ATP11B: variants seen among roughly 807,000 people sequenced by gnomAD.
The protein encoded by ATP11B is phospholipid-transporting ATPase IF.
A neutral mutation model predicts 157.8 loss-of-function variants in ATP11B; 81 were observed. The ratio of observed to expected loss-of-function variants is 0.51; its 90% confidence interval spans 0.43 to 0.62. The LOEUF (loss-of-function observed/expected upper bound fraction) is 0.62, where lower values mean the gene tolerates loss of function less well. ATP11B is among the 20% of genes least tolerant of loss of function. The pLI, the probability that ATP11B is intolerant of heterozygous loss-of-function variation, is 0.00. For missense variants in ATP11B, 1,165 were observed against 1,402.2 expected (o/e 0.83, Z 2.70); for synonymous variants, 451 against 469.4 (o/e 0.96, Z 0.51).
chr3:182,800,201 A>G (rs765248685), intron 1 of ATP11B, among the ~76,000 whole-genome samples: 6 of 152,096 alleles, frequency 3.9e-5, no homozygotes, highest in Non-Finnish European at 8.8e-5. Flanking sequence ...TTTTAAGCCA[A>G]TACTTCAAGT....
At chr3:182,843,630 A>G (rs1719229009) in intron 8 of ATP11B, 1 of 152,200 alleles carries the variant, frequency 6.6e-6, no homozygotes, top group Admixed American at 6.5e-5. Context: ...GCTTTGTGTC[A>G]GTTCAAAGAC....
Position 182,920,813 on chromosome 3 carries a change from AG to A in ATP11B, c.*2713del. ...GAAGACCTGCTGTCGAGTTGAGAAA[AG>A]GGGAGAATTTATGGTCTGAATTTTC... On this transcript the variant is annotated 3_prime_UTR_variant, in exon 30 of 30. Transcript: ENST00000323116. 6.6e-6 allele frequency: 1 copy of A among 152,400 alleles called. No individual in the cohort carries two copies. The highest frequency in any genetic ancestry group is 1.9e-4 in the East Asian group (1 of 5,190). The allele number at this position is 152,400 out of a possible 1,614,324, so 9.4% of individuals were successfully genotyped here.
chr3:182,918,430 AAAAAG>A lies in ATP11B; in HGVS notation c.*328_*332del. 2.5e-6 allele frequency: 1 copy of A among 398,992 alleles called. No individual in the cohort carries two copies. 24.7% of individuals were successfully genotyped at this position (398,992 alleles called of 1,614,324 possible). A position where few individuals can be genotyped will look rare whatever the true frequency, so the allele number is the denominator to read the frequency against. On this transcript the variant is annotated 3_prime_UTR_variant, in exon 30 of 30. Coordinates refer to ENST00000323116, the MANE Select transcript of ATP11B (RefSeq NM_014616.3). ...CATTATATTTTAATATAAATGTAGA[AAAAAG>A]AGAGAAATCTTAGTAAAGAGTATTT...
At chr3:182,822,474 T>TCTA (rs1213848839) in intron 2 of ATP11B, among the ~76,000 whole-genome samples, 2 of 152,240 alleles carry the variant, frequency 1.3e-5, no homozygotes, top group Non-Finnish European at 2.9e-5. Context: ...TGCATAGTAT[T>TCTA]CCATGGTGTA....
Position 182,872,371 on chromosome 3 carries a change from C to T in ATP11B, c.1882C>T (p.Leu628=). The T allele has an allele frequency of 6.3e-7, 1 of 1,585,026 alleles. No individual in the cohort carries two copies. Among genetic ancestry groups the T allele is most frequent in the Non-Finnish European group, 8.6e-7 (1 of 1,165,936 alleles). ...DEFALKGLRT[L]CIAYRKFTSK... is the part of the protein sequence containing the mutation. Reference sequence around the variant, plus strand: ...TTTGTTTTAGAAAGGGCTAAGAACTCTGTGTATAGCATATAGAAAATTTAC... The same window carrying T: ...TTTGTTTTAGAAAGGGCTAAGAACTTTGTGTATAGCATATAGAAAATTTAC... The change falls in exon 18 of 30, where the codon CTG becomes TTG. Residue 628 remains leucine (L), a synonymous_variant. Coordinates refer to ENST00000323116, the MANE Select transcript of ATP11B (RefSeq NM_014616.3).
intron 8 of ATP11B, among the ~76,000 whole-genome samples, chr3:182,844,867 T>C (rs966876300): frequency 2.0e-5 from 3 of 152,172 alleles, no homozygotes; most frequent in African/African-American, 7.2e-5. Context: ...GTTTAAAATT[T>C]TGAAACTAGT....
chr3:182,824,799 A>C (rs1717606797), intron 2 of ATP11B, among the ~76,000 whole-genome samples: 1 of 152,252 alleles, frequency 6.6e-6, no homozygotes, highest in South Asian at 2.1e-4. Context: ...CTTCCAAAAC[A>C]GATTACCTGT....
At chr3:182,888,258 C>T (rs1256612109) in intron 24 of ATP11B, among the ~76,000 whole-genome samples, 3 of 152,128 alleles carry the variant, frequency 2.0e-5, no homozygotes, top group Non-Finnish European at 4.4e-5. Flanking sequence ...CTTATAGAGT[C>T]ATCTCATTAT....
intron 1 of ATP11B, among the ~76,000 whole-genome samples, chr3:182,805,831 T>G (rs1433637421): frequency 5.9e-5 from 9 of 152,146 alleles, no homozygotes. Flanking sequence ...CTTTATATAT[T>G]CTAGATATAA....
intron 17 of ATP11B, among the ~76,000 whole-genome samples, chr3:182,869,925 A>T (rs1039464654): frequency 6.6e-6 from 1 of 152,252 alleles, no homozygotes; most frequent in Non-Finnish European, 1.5e-5. Context: ...GTCAGCTGTT[A>T]AGAGGAATGA....
In ATP11B at chr3:182,889,441, A is replaced by C; in HGVS notation, c.2875A>C (p.Lys959Gln). The C allele has an allele frequency of 6.3e-7, 1 of 1,577,266 alleles. No individual in the cohort carries two copies. The highest frequency in any genetic ancestry group is 8.6e-7 in the Non-Finnish European group (1 of 1,166,702). Residue 959 changes from lysine to glutamine, a missense_variant, in exon 25 of 30, where the codon AAA (lysine) becomes CAA (glutamine). Physicochemically the swap from Lys to Gln is moderately conservative, Grantham distance 53. This residue lies in a region of ATP11B where 303 missense variants were observed against 296.3 expected (regional missense o/e 1.02). Coordinates refer to ENST00000323116, the MANE Select transcript of ATP11B (RefSeq NM_014616.3). The stretch of plus-strand genomic sequence containing the variant: ...TAGTAAAAACCGCCTCTTAAGTATT[A>C]AAACATTTCTTTATTGGACCATCCT... ...DISKNRLLSI[K>Q]TFLYWTILGF...
rs868358182 is a variant in ATP11B at position 182,807,043 on chromosome 3, A to T, written c.28-13217A>T. Among the ~76,000 whole-genome samples the T allele has an allele frequency of 1.2e-3, 16 of 13,840 alleles. No individual in the cohort carries two copies. In the South Asian group the frequency reaches 0.014, roughly 12 times the overall value. The allele number at this position is 13,840 out of a possible 152,430, so 9.1% of individuals were successfully genotyped here. A position where few individuals can be genotyped will look rare whatever the true frequency, so the allele number is the denominator to read the frequency against. The stretch of plus-strand genomic sequence containing the variant: ...TTAAGCTTGGCTAAGTATTAATTTA[A>T]AAAAAAAAAAGACTATCTGTCTTTG... On this transcript the variant is annotated intron_variant, in intron 1 of 29. Coordinates refer to ENST00000323116, the MANE Select transcript of ATP11B (RefSeq NM_014616.3).
In ATP11B at chr3:182,889,561, GT is replaced by G; in HGVS notation, c.2982+20del. The G allele has an allele frequency of 2.6e-6, 4 of 1,522,586 alleles. No individual in the cohort carries two copies. Among genetic ancestry groups the G allele is most frequent in the Non-Finnish European group, 1.7e-6 (2 of 1,144,942 alleles). The allele number at this position is 1,522,586 out of a possible 1,614,324, so 94.3% of individuals were successfully genotyped here. A position where few individuals can be genotyped will look rare whatever the true frequency, so the allele number is the denominator to read the frequency against. On this transcript the variant is annotated intron_variant, in intron 25 of 29. Transcript: ENST00000323116. ...TGGAAATGGCCAGGTAAAGTATATAGTTTTTTTAAAGAATGCTTGTTAATAT... is the reference window on the plus strand; with the variant it reads ...TGGAAATGGCCAGGTAAAGTATATAGTTTTTTAAAGAATGCTTGTTAATAT...
chr3:182,915,644 A>G (rs1725086652), intron 29 of ATP11B: 1 of 965,440 alleles, frequency 1.0e-6, no homozygotes, highest in Non-Finnish European at 1.2e-6. Context: ...TTAATTTTAA[A>G]TGAGCCCCAG....
In ATP11B at chr3:182,889,453, T is replaced by C; in HGVS notation, c.2887T>C (p.Tyr963His). ...CCTCTTAAGTATTAAAACATTTCTT[T>C]ATTGGACCATCCTGGGCTTCAGTCA... ...NRLLSIKTFL[Y>H]WTILGFSHAF... Residue 963 changes from tyrosine to histidine, a missense_variant, in exon 25 of 30, where the codon TAT becomes CAT. Tyr to His is a moderately conservative substitution (Grantham distance 83). Around this residue, in one of 4 missense-constraint regions of ATP11B, gnomAD observed 303 missense variants for 296.3 expected, o/e 1.02. Coordinates refer to ENST00000323116, the MANE Select transcript of ATP11B (RefSeq NM_014616.3). 2 of 1,579,370 alleles carry C rather than the reference T, an allele frequency of 1.3e-6. No homozygotes were observed. Among genetic ancestry groups the C allele is most frequent in the South Asian group, 2.4e-5 (2 of 84,330 alleles).
Position 182,880,880 on chromosome 3 carries a change from T to A in ATP11B, c.2408T>A (p.Val803Glu). Reference sequence around the variant, plus strand: ...TAACCAATTCATTATGTCTTTCAGGTAATAAGACTAATAAAAATATCACCT... The same window carrying A: ...TAACCAATTCATTATGTCTTTCAGGAAATAAGACTAATAAAAATATCACCT... ...CRMAPLQKAK[V>E]IRLIKISPEK... is the part of the protein sequence containing the mutation. The change falls in exon 21 of 30, where the codon GTA (valine) becomes GAA (glutamate). Residue 803 changes from valine to glutamate, a missense_variant and splice_region_variant. This residue lies in a region of ATP11B where 737 missense variants were observed against 930.5 expected (regional missense o/e 0.79). Transcript: ENST00000323116. The A allele has an allele frequency of 6.4e-7, 1 of 1,573,494 alleles. No individual in the cohort carries two copies.
At chr3:182,875,788 C>CT (rs1722000005) in intron 19 of ATP11B, among the ~76,000 whole-genome samples, 1 of 152,086 alleles carries the variant, frequency 6.6e-6, no homozygotes, top group Admixed American at 6.6e-5. Context: ...CACACTGGAT[C>CT]TTTGAGTGCA....
chr3:182,842,853 A>C (rs1454476110), intron 8 of ATP11B, among the ~76,000 whole-genome samples: 1 of 152,250 alleles, frequency 6.6e-6, no homozygotes, highest in Non-Finnish European at 1.5e-5. Flanking sequence ...TATACAATTC[A>C]GAAGATATTG....
chr3:182,804,839 C>A (rs1716230722), intron 1 of ATP11B, among the ~76,000 whole-genome samples: 1 of 152,186 alleles, frequency 6.6e-6, no homozygotes, highest in African/African-American at 2.4e-5. Flanking sequence ...TCTAGATTTG[C>A]CTACTCTGAA....
Sources: allele counts gnomAD v4.1 joint callset (sites outside exome capture counted in the v4.1 genomes callset), GRCh38; gene constraint gnomAD v4.1.1; regional missense constraint gnomAD v4.1.1; transcripts MANE v1.5; gene names NCBI Gene and HGNC (gene_info 2026-07-23, HGNC 2026-07-21).